RNF150: variants seen among roughly 807,000 people sequenced by gnomAD.
RNF150 encodes ring finger protein 150.
Under a neutral mutation model 39.3 loss-of-function variants are expected in RNF150, and 24 were observed. That is an observed-to-expected ratio of 0.61 (90% CI 0.44 to 0.86). RNF150 has a LOEUF of 0.86. Among genes scored for constraint, RNF150 ranks in the 40% least tolerant of loss-of-function variants. The probability of loss-of-function intolerance (pLI) is 0.00; values close to 1 mark genes in which losing one functional copy is unlikely to be tolerated. For missense variants in RNF150, 502 were observed against 587.8 expected, an observed-to-expected ratio of 0.85 and a Z score of 1.51; for synonymous variants, 255 against 227.3, an observed-to-expected ratio of 1.12 and a Z score of -1.10.
At chr4:141,158,462 CAA>C (rs5862513) in intron 1 of RNF150, among the ~76,000 whole-genome samples, 257 of 142,312 alleles carry the variant, frequency 1.8e-3, no homozygotes, top group Non-Finnish European at 1.6e-3. Context: ...GTCACTCTTT[CAA>C]AAAAAAAAAA....
At chr4:140,971,354 G>A (rs993794930) in intron 1 of RNF150, among the ~76,000 whole-genome samples, 1 of 152,062 alleles carries the variant, frequency 6.6e-6, no homozygotes, top group Admixed American at 6.6e-5. Flanking sequence ...TAGCTACTAC[G>A]CATCTATGAC....
intron 1 of RNF150, among the ~76,000 whole-genome samples, chr4:141,077,039 T>C (rs1737920976): frequency 6.6e-6 from 1 of 152,180 alleles, no homozygotes; most frequent in African/African-American, 2.4e-5. Context: ...AAAAGTCACC[T>C]GGTTTAGGGT....
chr4:140,907,292 T>A (rs545507549), intron 6 of RNF150, among the ~76,000 whole-genome samples: 2 of 152,326 alleles, frequency 1.3e-5, no homozygotes, highest in South Asian at 4.1e-4. Flanking sequence ...GGGACTGCCA[T>A]GTGAGGTTTT....
chr4:141,148,330 A>G (rs1727236448), intron 1 of RNF150, among the ~76,000 whole-genome samples: 1 of 152,088 alleles, frequency 6.6e-6, no homozygotes, highest in Non-Finnish European at 1.5e-5. Context: ...TAAAAAGAAA[A>G]CTCTCATGTA....
chr4:140,968,600 G>T (rs567438610), intron 1 of RNF150, among the ~76,000 whole-genome samples: 2 of 151,900 alleles, frequency 1.3e-5, no homozygotes, highest in Admixed American at 1.3e-4. Context: ...GCAAGGAGAA[G>T]ATGGAAGCAG....
chr4:141,169,182 T>C (rs1020277736), intron 1 of RNF150, among the ~76,000 whole-genome samples: 1 of 152,108 alleles, frequency 6.6e-6, no homozygotes, highest in East Asian at 1.9e-4. Context: ...TGGTACTGTA[T>C]AGCGTGTGAG....
At chr4:141,077,544 T>C (rs1737941703) in intron 1 of RNF150, among the ~76,000 whole-genome samples, 1 of 152,138 alleles carries the variant, frequency 6.6e-6, no homozygotes, top group Admixed American at 6.5e-5. Flanking sequence ...AAAAAATAAA[T>C]GTTAAAAAAT....
intron 1 of RNF150, among the ~76,000 whole-genome samples, chr4:141,047,227 T>C (rs981935926): frequency 3.9e-5 from 6 of 152,176 alleles, no homozygotes; most frequent in African/African-American, 1.4e-4. Flanking sequence ...AAACTAGCTT[T>C]ACTTGCTAGT....
intron 1 of RNF150, among the ~76,000 whole-genome samples, chr4:141,049,627 G>T (rs1019600103): frequency 1.3e-5 from 2 of 152,106 alleles, no homozygotes; most frequent in East Asian, 1.9e-4. Context: ...TCTTCAGGGG[G>T]TGGTGGGGAA....
intron 1 of RNF150, among the ~76,000 whole-genome samples, chr4:141,169,566 G>T (rs1174524319): frequency 2.0e-5 from 3 of 152,218 alleles, no homozygotes; most frequent in African/African-American, 4.8e-5. Flanking sequence ...AACAGGAAAA[G>T]GTCCAAGAAT....
intron 1 of RNF150, among the ~76,000 whole-genome samples, chr4:141,110,808 C>T (rs774060511): frequency 3.9e-5 from 6 of 151,908 alleles, no homozygotes; most frequent in African/African-American, 1.2e-4. Context: ...GCTTCTGTTT[C>T]GGGAAAATGT....
At chr4:140,966,753 AT>A (rs953147195) in intron 2 of RNF150, among the ~76,000 whole-genome samples, 1 of 152,120 alleles carries the variant, frequency 6.6e-6, no homozygotes. Flanking sequence ...TTGGTTCAAC[AT>A]TTTTTGGCAG....
At chr4:141,133,614 A>G (rs1726969661), upstream of RNF150, among the ~76,000 whole-genome samples, 1 of 151,732 alleles carries the variant, frequency 6.6e-6, no homozygotes, top group African/African-American at 2.4e-5. Context: ...CTCAAATTCA[A>G]CCTCAATCGG....
chr4:141,096,233 G>C (rs1738776397), intron 1 of RNF150, among the ~76,000 whole-genome samples: 1 of 109,756 alleles, frequency 9.1e-6, no homozygotes. Flanking sequence ...GTCTCACTCT[G>C]TCACCCAGGC....
chr4:141,044,386 T>C (rs1736481725), intron 1 of RNF150, among the ~76,000 whole-genome samples: 4 of 152,130 alleles, frequency 2.6e-5, no homozygotes, highest in African/African-American at 7.2e-5. Flanking sequence ...CTCAAAATGG[T>C]AATCTTTATA....
intron 1 of RNF150, among the ~76,000 whole-genome samples, chr4:141,055,997 G>GCC (rs1736951791): frequency 6.6e-6 from 1 of 152,142 alleles, no homozygotes; most frequent in Non-Finnish European, 1.5e-5. Flanking sequence ...GTATTAACAT[G>GCC]CCAGAGCAGT....
intron 1 of RNF150, among the ~76,000 whole-genome samples, chr4:141,075,877 A>G: frequency 6.6e-6 from 1 of 152,202 alleles, no homozygotes; most frequent in South Asian, 2.1e-4. Flanking sequence ...CAGGTGCACC[A>G]AAGTCTCAGA....
rs908525622 is a variant in RNF150 at position 141,006,138 on chromosome 4, A to C, written c.485-38265T>G. ...TTTTCTAATACCACTTTAATCTTGG[A>C]ATGTGCTATAATTTGAATTTCTATT... On this transcript the variant is annotated intron_variant, in intron 1 of 6. Transcript: ENST00000515673. Among the ~76,000 whole-genome samples, 11 of 151,766 alleles carry C rather than the reference A, an allele frequency of 7.2e-5. 1 individual carries two copies. The highest frequency in any genetic ancestry group is 2.7e-4 in the African/African-American group (11 of 41,292).
At chr4:141,092,670 T>C (rs900592110) in intron 1 of RNF150, among the ~76,000 whole-genome samples, 1 of 151,946 alleles carries the variant, frequency 6.6e-6, no homozygotes, top group Admixed American at 6.6e-5. Flanking sequence ...AGTGAGTAAA[T>C]GGTAATGCAG....
Sources: gnomAD v4.1 joint callset for allele counts (sites outside exome capture counted in the v4.1 genomes callset) on GRCh38, gnomAD v4.1.1 for gene constraint, MANE v1.5 for transcripts, NCBI Gene and HGNC (gene_info 2026-07-23, HGNC 2026-07-21) for gene names.